Variants in CAMK2G observed in about 807,000 individuals in gnomAD.
The protein encoded by CAMK2G is calcium/calmodulin dependent protein kinase II gamma.
In CAMK2G, 23 loss-of-function variants were observed where a neutral mutation model predicts 88.7. The observed-to-expected ratio is 0.26, with a 90% confidence interval of 0.19 to 0.37. The LOEUF is 0.37. Among genes scored for constraint, CAMK2G ranks in the 10% least tolerant of loss-of-function variants. The pLI, the probability that CAMK2G is intolerant of heterozygous loss-of-function variation, is 1.00. For synonymous variants in CAMK2G, 263 were observed against 294.8 expected (o/e 0.89, Z 1.11); for missense variants, 476 against 780.8 (o/e 0.61, Z 4.65).
At chr10:73,825,448 G>A (rs985476763) in intron 15 of CAMK2G, 101 bp from the exon 16 acceptor site, 4 of 873,218 alleles carry the variant, frequency 4.6e-6, no homozygotes, top group Admixed American at 1.8e-5. Flanking sequence ...CCTGGAGGAG[G>A]TAGGCCTGAG....
intron 1 of CAMK2G, 118 bp downstream of exon 1, chr10:73,874,279 G>C (rs891459378): frequency 5.6e-6 from 3 of 539,234 alleles, no homozygotes; most frequent in Non-Finnish European, 8.1e-6. Flanking sequence ...GGGAAAGGCG[G>C]GGGTGGGGCG....
Position 73,874,388 on chromosome 10 carries a change from G to C in CAMK2G, c.65+9C>G. ...GGGCAGGCAGGGGACCGCGGCGGGC[G>C]GGCCGTACTTGCCAAGCTCCTCGAA... On this transcript the variant is annotated intron_variant, in intron 1 of 22. Transcript: ENST00000423381. 1.3e-6 allele frequency: 2 copies of C among 1,485,680 alleles called. No individual in the cohort carries two copies. Among genetic ancestry groups the C allele is most frequent in the Non-Finnish European group, 1.8e-6 (2 of 1,106,060 alleles). The allele number at this position is 1,485,680 out of a possible 1,614,324, so 92.0% of individuals were successfully genotyped here.
intron 1 of CAMK2G, 167 bp from the exon 2 acceptor site, chr10:73,873,250 G>T: frequency 3.7e-6 from 4 of 1,070,226 alleles, no homozygotes; most frequent in South Asian, 3.0e-5. Flanking sequence ...TGAGGCAAAA[G>T]GACGCGGCCA....
intron 14 of CAMK2G, 199 bp downstream of exon 14, chr10:73,837,269 G>A (rs2093340494): frequency 1.5e-5 from 10 of 655,066 alleles, no homozygotes; most frequent in Admixed American, 6.9e-5. Context: ...TTCCCATCCA[G>A]CTAGGGCCAG....
chr10:73,828,182 A>G (rs2091592600), intron 14 of CAMK2G, 61 bp from the exon 15 acceptor site: 1 of 1,403,566 alleles, frequency 7.1e-7, no homozygotes, highest in Non-Finnish European at 1.0e-6. Flanking sequence ...AGAGAAGCAC[A>G]GAGACGCTGC....
intron 10 of CAMK2G, 144 bp downstream of exon 10, chr10:73,847,081 G>T: frequency 1.3e-6 from 1 of 760,944 alleles, no homozygotes; most frequent in Non-Finnish European, 2.2e-6. Context: ...ATTGACCCTG[G>T]CCCTCAACAG....
At chr10:73,836,617 G>A (rs559328286) in intron 14 of CAMK2G, among the ~76,000 whole-genome samples, 5 of 152,284 alleles carry the variant, frequency 3.3e-5, no homozygotes, top group African/African-American at 1.2e-4. Flanking sequence ...AGGGAACGGG[G>A]CTTGTGTGTG....
intron 2 of CAMK2G, among the ~76,000 whole-genome samples, chr10:73,870,604 T>A (rs1435117800): frequency 6.6e-6 from 1 of 152,006 alleles, no homozygotes; most frequent in Non-Finnish European, 1.5e-5. Context: ...GCCCAGAGAA[T>A]CACAAACAAG....
Position 73,848,941 on chromosome 10 carries a change from A to C in CAMK2G, c.517+72T>G. ...CATTAAGGGTCTGGCTTCTAGTTCT[A>C]ATAGAGGAAGGCAGATCAGGAAGAG... is the stretch of plus-strand genomic sequence containing the variant. On this transcript the variant is annotated intron_variant, in intron 7 of 22. Transcript: ENST00000423381. This position sits in a 1 kb window ranked among gnomAD's most constrained non-coding sequence, Gnocchi z 4.5. 2 of 984,506 alleles carry C rather than the reference A, an allele frequency of 2.0e-6. No homozygotes were observed. The highest frequency in any genetic ancestry group is 1.7e-6 in the Non-Finnish European group (1 of 606,052). The allele number at this position is 984,506 out of a possible 1,614,324, so 61.0% of individuals were successfully genotyped here. A position where few individuals can be genotyped will look rare whatever the true frequency, so the allele number is the denominator to read the frequency against.
intron 10 of CAMK2G, among the ~76,000 whole-genome samples, chr10:73,845,931 TG>T (rs1416520178): frequency 7.1e-6 from 1 of 139,878 alleles, no homozygotes; most frequent in Non-Finnish European, 1.6e-5. Flanking sequence ...TTTAAAGAGG[TG>T]GGGTCTGACC....
At chr10:73,841,857 G>C in intron 12 of CAMK2G, 1 of 315,024 alleles carries the variant, frequency 3.2e-6, no homozygotes, top group South Asian at 4.6e-5. Context: ...TCCTAGAATG[G>C]CTAAAATCTG....
rs547537516 is a variant in CAMK2G, at chr10:73,842,014, C to A, written c.946+155G>T. 1.9e-5 allele frequency: 13 copies of A among 692,896 alleles called. No homozygotes were observed. The African/African-American group carries it at 2.1e-4, about 11-fold the overall frequency. The allele number at this position is 692,896 out of a possible 1,614,324, so 42.9% of individuals were successfully genotyped here. On this transcript the variant is annotated intron_variant, in intron 12 of 22. Coordinates refer to ENST00000423381, the MANE Select transcript of CAMK2G (RefSeq NM_001367534.1). The surrounding 1 kb of genome is among the most constrained non-coding windows in gnomAD (Gnocchi z 4.6). ...CCTGAATCTCAGGAGCAGGACTCAG[C>A]AGCAGCAGCAGCCCCTCAAAACAGG...
chr10:73,815,690 G>C (rs1343604589), intron 21 of CAMK2G, among the ~76,000 whole-genome samples: 2 of 152,120 alleles, frequency 1.3e-5, no homozygotes, highest in Admixed American at 1.3e-4. Context: ...ATAAGGCTTG[G>C]CTCACCCCTA....
intron 22 of CAMK2G, 133 bp from the exon 23 acceptor site, chr10:73,814,638 T>C (rs1178405545): frequency 4.6e-6 from 1 of 218,562 alleles, no homozygotes; most frequent in African/African-American, 2.2e-5. Flanking sequence ...AAGCTAATGC[T>C]TAAATACAAA....
intron 18 of CAMK2G, among the ~76,000 whole-genome samples, chr10:73,820,919 C>T (rs988727599): frequency 2.0e-5 from 3 of 151,916 alleles, no homozygotes; most frequent in Admixed American, 6.6e-5. Flanking sequence ...AGGTGATCCA[C>T]CCACCTTGGC....
At chr10:73,873,197 G>A (rs1367772009) in intron 1 of CAMK2G, 114 bp from the exon 2 acceptor site, 22 of 967,658 alleles carry the variant, frequency 2.3e-5, no homozygotes, top group East Asian at 4.8e-5. Context: ...TCACACTCAC[G>A]TACATGCACA....
At chr10:73,846,925 A>T in intron 10 of CAMK2G, 1 of 279,236 alleles carries the variant, frequency 3.6e-6, no homozygotes. Context: ...GCTGCTTTCT[A>T]TCACCGGCTA....
At chr10:73,866,639 C>T (rs969397571) in intron 2 of CAMK2G, among the ~76,000 whole-genome samples, 3 of 152,188 alleles carry the variant, frequency 2.0e-5, no homozygotes, top group Non-Finnish European at 4.4e-5. Context: ...CAGGTCTGTG[C>T]CTATGACCCT....
At chr10:73,864,024 A>C (rs946850950) in intron 2 of CAMK2G, among the ~76,000 whole-genome samples, 1 of 152,028 alleles carries the variant, frequency 6.6e-6, no homozygotes, top group Non-Finnish European at 1.5e-5. Context: ...TATTAAACCC[A>C]CCCGAGCTTC....
Sources: gnomAD v4.1 joint callset for allele counts (sites outside exome capture counted in the v4.1 genomes callset) on GRCh38, gnomAD v4.1.1 for gene constraint, Gnocchi (gnomAD v3.1) non-coding constraint, MANE v1.5 for transcripts, NCBI Gene and HGNC (gene_info 2026-07-23, HGNC 2026-07-21) for gene names.